GRM5: variants seen among roughly 807,000 people sequenced by gnomAD.
GRM5 encodes glutamate metabotropic receptor 5.
A neutral mutation model predicts 83.1 loss-of-function variants in GRM5; 19 were observed. The observed-to-expected ratio is 0.23, with a 90% CI of 0.16 to 0.34. The LOEUF (loss-of-function observed/expected upper bound fraction) is 0.34. Ranked by LOEUF, GRM5 falls within the 10% of genes least tolerant of loss-of-function variation. GRM5 has a pLI of 1.00. For missense variants in GRM5, 1,160 were observed against 1,588.3 expected, an observed-to-expected ratio of 0.73 and a Z score of 4.58; for synonymous variants, 675 against 633.6, an observed-to-expected ratio of 1.07 and a Z score of -0.98.
intron 2 of GRM5, among the ~76,000 whole-genome samples, chr11:88,882,807 C>A (rs1039067268): frequency 3.9e-5 from 6 of 151,944 alleles, no homozygotes; most frequent in African/African-American, 1.5e-4. Context: ...AAATTGTAGC[C>A]CAAATAATTC....
chr11:88,606,309 G>C (rs1382719138), intron 4 of GRM5, among the ~76,000 whole-genome samples: 7 of 152,288 alleles, frequency 4.6e-5, no homozygotes, highest in African/African-American at 1.7e-4. Flanking sequence ...GATCACCTGA[G>C]GTCAAGAGTT....
intron 3 of GRM5, among the ~76,000 whole-genome samples, chr11:88,701,475 G>A (rs1208408408): frequency 1.3e-5 from 2 of 152,102 alleles, no homozygotes; most frequent in Non-Finnish European, 2.9e-5. Context: ...GATAACAATA[G>A]CAACAGCTGA....
At chr11:88,762,525 A>G (rs905722636) in intron 3 of GRM5, among the ~76,000 whole-genome samples, 1 of 151,968 alleles carries the variant, frequency 6.6e-6, no homozygotes, top group Non-Finnish European at 1.5e-5. Context: ...AAAGTCAAAA[A>G]ATAAAAGATG....
chr11:88,567,281 G>T lies in GRM5; in HGVS notation c.2402C>A (p.Thr801Asn). Residue 801 changes from threonine to asparagine, a missense_variant, in exon 8 of 10, where the codon ACC (threonine) becomes AAC (asparagine). By Grantham distance (65) the Thr-to-Asn change is moderately conservative. Around this residue, in one of 9 missense-constraint regions of GRM5, gnomAD observed 66 missense variants for 138.6 expected, o/e 0.48. Coordinates refer to ENST00000305447, the MANE Select transcript of GRM5 (RefSeq NM_001143831.3). The surrounding 1 kb of genome is among the most constrained non-coding windows in gnomAD (Gnocchi z 7.3). ...IYFGSNYKII[T>N]MCFSVSLSAT... is the part of the protein sequence containing the mutation. ...ACTGAGGCTGACCGAGAAACACATG[G>T]TGATGATTTTGTAGTTGCTGCCAAA... The T allele has an allele frequency of 6.2e-7, 1 of 1,613,898 alleles. No individual in the cohort carries two copies. The highest frequency in any genetic ancestry group is 8.5e-7 in the Non-Finnish European group (1 of 1,179,772).
chr11:88,521,497 G>C (rs1941688723), intron 9 of GRM5, among the ~76,000 whole-genome samples: 1 of 152,120 alleles, frequency 6.6e-6, no homozygotes, highest in Non-Finnish European at 1.5e-5. Context: ...TCAGTGTTGA[G>C]GTTTCAGTCA....
chr11:88,616,417 C>A (rs1591384737), intron 4 of GRM5, among the ~76,000 whole-genome samples: 1 of 112,664 alleles, frequency 8.9e-6, no homozygotes, highest in Admixed American at 1.1e-4. Flanking sequence ...TTTTTTTTAC[C>A]AGAGAAACAT....
At chr11:88,520,874 A>C (rs1317246872) in intron 9 of GRM5, among the ~76,000 whole-genome samples, 1 of 152,218 alleles carries the variant, frequency 6.6e-6, no homozygotes, top group Admixed American at 6.5e-5. Flanking sequence ...GCTGCATATC[A>C]CAGGAGAAAA....
chr11:88,729,221 A>G (rs933496610), intron 3 of GRM5, among the ~76,000 whole-genome samples: 47 of 152,266 alleles, frequency 3.1e-4, no homozygotes, highest in African/African-American at 1.1e-3. Flanking sequence ...AAGCATTCCT[A>G]TACACCATGA....
intron 2 of GRM5, among the ~76,000 whole-genome samples, chr11:89,012,456 G>A (rs973648549): frequency 5.9e-5 from 9 of 152,286 alleles, no homozygotes; most frequent in Admixed American, 3.3e-4. Flanking sequence ...AGCATGGTGA[G>A]AGAGTCTATT....
chr11:89,026,973 C>T (rs1941142184), intron 2 of GRM5, among the ~76,000 whole-genome samples: 1 of 152,300 alleles, frequency 6.6e-6, no homozygotes, highest in South Asian at 2.1e-4. Context: ...AGAAAAAGGG[C>T]TTCATCCCAT....
intron 2 of GRM5, among the ~76,000 whole-genome samples, chr11:89,006,652 G>A (rs1399318845): frequency 6.6e-6 from 1 of 152,164 alleles, no homozygotes; most frequent in Non-Finnish European, 1.5e-5. Context: ...CTGTGCACCA[G>A]CCACTTTGGC....
chr11:88,934,163 T>G, intron 2 of GRM5, among the ~76,000 whole-genome samples: 1 of 151,830 alleles, frequency 6.6e-6, no homozygotes, highest in Admixed American at 6.6e-5. Context: ...TCAAAACAAT[T>G]ACTAGAGGCC....
At chr11:88,612,861 ATCT>A (rs1938364191) in intron 4 of GRM5, 1 of 152,240 alleles carries the variant, frequency 6.6e-6, no homozygotes, top group Non-Finnish European at 1.5e-5. Context: ...GGCCATGCTA[ATCT>A]TCTCTGTATC....
chr11:89,020,980 C>T (rs1940969223), intron 2 of GRM5, among the ~76,000 whole-genome samples: 1 of 152,116 alleles, frequency 6.6e-6, no homozygotes, highest in Non-Finnish European at 1.5e-5. Context: ...CTTTCCAATA[C>T]CCTGTGAGAG....
At chr11:88,813,801 C>T (rs995802922) in intron 3 of GRM5, among the ~76,000 whole-genome samples, 1 of 152,084 alleles carries the variant, frequency 6.6e-6, no homozygotes, top group African/African-American at 2.4e-5. Context: ...TGGAGAATTT[C>T]AGGCTTGGGT....
intron 3 of GRM5, among the ~76,000 whole-genome samples, chr11:88,668,196 A>G (rs1160107011): frequency 7.0e-6 from 1 of 143,256 alleles, no homozygotes; most frequent in Non-Finnish European, 1.5e-5. Context: ...TTTATTTAAA[A>G]CATCTGCAGA....
intron 1 of GRM5, among the ~76,000 whole-genome samples, chr11:89,062,360 A>T (rs1279726160): frequency 6.6e-6 from 1 of 152,172 alleles, no homozygotes; most frequent in Non-Finnish European, 1.5e-5. Flanking sequence ...CTTATGTCCC[A>T]CTGGAGGAAG....
intron 3 of GRM5, among the ~76,000 whole-genome samples, chr11:88,699,164 T>G (rs1035633277): frequency 1.6e-4 from 24 of 152,154 alleles, no homozygotes; most frequent in African/African-American, 5.1e-4. Context: ...TCTAAGAAAT[T>G]TGGGAATGAC....
chr11:88,772,601 C>T (rs1286195865), intron 3 of GRM5, among the ~76,000 whole-genome samples: 1 of 151,990 alleles, frequency 6.6e-6, no homozygotes, highest in Admixed American at 6.6e-5. Flanking sequence ...TCTCCCCCAG[C>T]CCCCCATACC....
Sources: gnomAD v4.1 joint callset for allele counts (sites outside exome capture counted in the v4.1 genomes callset) on GRCh38, gnomAD v4.1.1 for gene constraint, gnomAD v4.1.1 regional missense constraint, Gnocchi (gnomAD v3.1) non-coding constraint, MANE v1.5 for transcripts, NCBI Gene and HGNC (gene_info 2026-07-23, HGNC 2026-07-21) for gene names.